PAPSS1: variants seen among roughly 807,000 people sequenced by gnomAD.
PAPSS1 encodes bifunctional 3'-phosphoadenosine 5'-phosphosulfate synthase 1.
A neutral mutation model predicts 72.0 loss-of-function variants in PAPSS1; 50 were observed. That is an observed-to-expected ratio of 0.69 (90% CI 0.55 to 0.88). The LOEUF is 0.88. Ranked by LOEUF, PAPSS1 falls within the 40% of genes least tolerant of loss-of-function variation. The pLI is 0.00. For missense variants in PAPSS1, 657 were observed against 782.2 expected (o/e 0.84, Z 1.91); for synonymous variants, 261 against 263.6 (o/e 0.99, Z 0.09).
chr4:107,688,215 C>G (rs932715861), intron 3 of PAPSS1, among the ~76,000 whole-genome samples: 2 of 152,120 alleles, frequency 1.3e-5, no homozygotes, highest in African/African-American at 4.8e-5. Flanking sequence ...GTTCCCTGCT[C>G]CCCAGCAACA....
intron 10 of PAPSS1, among the ~76,000 whole-genome samples, chr4:107,644,179 G>C (rs1050497414): frequency 6.6e-6 from 1 of 152,162 alleles, no homozygotes; most frequent in South Asian, 2.1e-4. Context: ...ATATTGACAC[G>C]GTTCAGGACA....
At chr4:107,615,672 G>A (rs1258725344) in intron 11 of PAPSS1, among the ~76,000 whole-genome samples, 1 of 152,048 alleles carries the variant, frequency 6.6e-6, no homozygotes, top group Non-Finnish European at 1.5e-5. Context: ...ATTAAAGTAC[G>A]GATGGGATAA....
At chr4:107,619,098 G>T (rs145759455) in intron 11 of PAPSS1, among the ~76,000 whole-genome samples, 9 of 152,294 alleles carry the variant, frequency 5.9e-5, no homozygotes, top group Non-Finnish European at 8.8e-5. Context: ...TTTATAAAGT[G>T]CTTGTTGTTG....
intron 10 of PAPSS1, among the ~76,000 whole-genome samples, chr4:107,634,501 T>C (rs1246217046): frequency 6.6e-6 from 1 of 152,194 alleles, no homozygotes; most frequent in African/African-American, 2.4e-5. Flanking sequence ...TGTTTTACTT[T>C]TTCCAAGTAA....
At chr4:107,712,794 A>T (rs1383148216) in intron 1 of PAPSS1, among the ~76,000 whole-genome samples, 1 of 151,308 alleles carries the variant, frequency 6.6e-6, no homozygotes, top group Non-Finnish European at 1.5e-5. Flanking sequence ...AACAGCTTGA[A>T]CCAGGGATGC....
At chr4:107,619,254 C>T (rs577077193) in intron 11 of PAPSS1, among the ~76,000 whole-genome samples, 2 of 152,242 alleles carry the variant, frequency 1.3e-5, no homozygotes, top group African/African-American at 4.8e-5. Flanking sequence ...TCTGAAATTG[C>T]AATTTTAAAC....
intron 3 of PAPSS1, among the ~76,000 whole-genome samples, chr4:107,690,775 T>A (rs545725863): frequency 2.8e-4 from 42 of 152,262 alleles, no homozygotes; most frequent in African/African-American, 9.9e-4. Context: ...CTTTTATAGA[T>A]GAGGTCAACA....
At position 107,720,207 on chromosome 4, in the gene PAPSS1, G is replaced by C; in HGVS notation, c.-28C>G. ...CCGCGGAGCGCGCTGAGCAGCCGGGGTTCTCTGCGCCGGGAGGGTAGCAAG... is the reference window on the plus strand; with the variant it reads ...CCGCGGAGCGCGCTGAGCAGCCGGGCTTCTCTGCGCCGGGAGGGTAGCAAG... On this transcript the variant is annotated 5_prime_UTR_variant, in exon 1 of 12. Coordinates refer to ENST00000265174, the MANE Select transcript of PAPSS1 (RefSeq NM_005443.5). 2 of 1,593,296 alleles carry C rather than the reference G, an allele frequency of 1.3e-6. No homozygotes were observed. Among genetic ancestry groups the C allele is most frequent in the South Asian group, 2.2e-5 (2 of 88,986 alleles).
intron 5 of PAPSS1, among the ~76,000 whole-genome samples, chr4:107,675,231 T>C (rs1727607236): frequency 6.6e-6 from 1 of 152,034 alleles, no homozygotes. Context: ...TTCAAAAAAA[T>C]CAATGAATCC....
chr4:107,654,062 A>G (rs181510210), intron 8 of PAPSS1, among the ~76,000 whole-genome samples: 1 of 152,206 alleles, frequency 6.6e-6, no homozygotes, highest in East Asian at 1.9e-4. Context: ...CAATTTTACT[A>G]CTTCCTTTCC....
At chr4:107,685,070 A>C (rs1278565495) in intron 4 of PAPSS1, among the ~76,000 whole-genome samples, 2 of 151,976 alleles carry the variant, frequency 1.3e-5, no homozygotes, top group Non-Finnish European at 2.9e-5. Flanking sequence ...CATGCTGACT[A>C]ATTTTTTGTA....
intron 9 of PAPSS1, among the ~76,000 whole-genome samples, chr4:107,653,086 T>G (rs1726894708): frequency 6.7e-6 from 1 of 148,830 alleles, no homozygotes; most frequent in Non-Finnish European, 1.5e-5. Flanking sequence ...CATATATGAA[T>G]ATATATGAAT....
At chr4:107,707,254 GGA>G (rs1416400045) in intron 1 of PAPSS1, among the ~76,000 whole-genome samples, 1 of 152,168 alleles carries the variant, frequency 6.6e-6, no homozygotes, top group Non-Finnish European at 1.5e-5. Context: ...CCTGAAGCTG[GGA>G]CAGCTTGAAG....
intron 1 of PAPSS1, among the ~76,000 whole-genome samples, chr4:107,719,187 G>GTTTTTTTTT (rs9307313): frequency 1.4e-5 from 2 of 146,408 alleles, no homozygotes; most frequent in Non-Finnish European, 1.5e-5. Flanking sequence ...GAAATTGCTT[G>GTTTTTTTTT]TTTTTTTTTT....
chr4:107,685,267 G>C (rs963891359), intron 4 of PAPSS1, among the ~76,000 whole-genome samples: 6 of 152,098 alleles, frequency 3.9e-5, no homozygotes, highest in African/African-American at 1.4e-4. Context: ...TGTATGCTTT[G>C]GGCAATGTAC....
chr4:107,630,474 C>T (rs1208705993), intron 11 of PAPSS1, among the ~76,000 whole-genome samples: 1 of 152,162 alleles, frequency 6.6e-6, no homozygotes, highest in African/African-American at 2.4e-5. Context: ...CCACTTTGTT[C>T]TCTTTCCTGT....
intron 11 of PAPSS1, among the ~76,000 whole-genome samples, chr4:107,615,345 CCAGATCACGAGCCTGTTTACTTCT>C (rs1160040135): frequency 6.6e-6 from 1 of 152,152 alleles, no homozygotes; most frequent in African/African-American, 2.4e-5. Context: ...GCTCAGGTCA[CCAGATCACGAGCCTGTTTACTTCT>C]AGTTGGCAGT....
intron 7 of PAPSS1, 67 bp downstream of exon 7, chr4:107,656,829 A>G: frequency 3.5e-6 from 4 of 1,129,630 alleles, no homozygotes; most frequent in Non-Finnish European, 5.4e-6. Flanking sequence ...GTAAACAGTG[A>G]CAAATCTCTG....
At chr4:107,625,495 G>C (rs1402924371) in intron 11 of PAPSS1, among the ~76,000 whole-genome samples, 5 of 152,116 alleles carry the variant, frequency 3.3e-5, no homozygotes. Context: ...GCAATGCTCA[G>C]CCAATAGCCA....
Sources: gnomAD v4.1 joint callset for allele counts (sites outside exome capture counted in the v4.1 genomes callset) on GRCh38, gnomAD v4.1.1 for gene constraint, MANE v1.5 for transcripts, NCBI Gene and HGNC (gene_info 2026-07-23, HGNC 2026-07-21) for gene names.